Variants in GMDS observed in about 807,000 individuals in gnomAD.
GMDS encodes the protein GDP-mannose 4,6-dehydratase, also known as GDP-mannose 4,6 dehydratase.
Under a neutral mutation model 49.9 loss-of-function variants are expected in GMDS, and 20 were observed. The ratio of observed to expected loss-of-function variants is 0.40; its 90% CI spans 0.28 to 0.58. The LOEUF is 0.58. GMDS is among the 20% of genes least tolerant of loss of function. The probability of loss-of-function intolerance (pLI) is 0.42; values close to 1 mark genes in which losing one functional copy is unlikely to be tolerated. For synonymous variants in GMDS, 177 were observed against 178.6 expected, an observed-to-expected ratio of 0.99 and a Z score of 0.07; for missense variants, 362 against 481.4, an observed-to-expected ratio of 0.75 and a Z score of 2.32.
At chr6:2,060,194 C>A (rs929028512) in intron 4 of GMDS, among the ~76,000 whole-genome samples, 8 of 152,112 alleles carry the variant, frequency 5.3e-5, no homozygotes, top group Admixed American at 2.0e-4. Context: ...AGCAAGGCGA[C>A]CCTGGCGTAC....
At chr6:1,831,559 A>G (rs534565205) in intron 7 of GMDS, among the ~76,000 whole-genome samples, 1 of 152,342 alleles carries the variant, frequency 6.6e-6, no homozygotes, top group Non-Finnish European at 1.5e-5. Context: ...TAAAATAAAA[A>G]TAAACACTGT....
intron 7 of GMDS, among the ~76,000 whole-genome samples, chr6:1,914,135 T>TTG (rs1761232620): frequency 8.2e-6 from 1 of 122,482 alleles, no homozygotes; most frequent in Admixed American, 7.6e-5. Context: ...TTGTTTGTTT[T>TTG]TTTTTTTTTT....
At chr6:1,879,585 T>G (rs193115613) in intron 7 of GMDS, among the ~76,000 whole-genome samples, 1 of 138,230 alleles carries the variant, frequency 7.2e-6, no homozygotes, top group South Asian at 2.2e-4. Context: ...TTACCAAAGG[T>G]TTTTTTTTTT....
chr6:2,218,001 C>T (rs138612510), intron 1 of GMDS, among the ~76,000 whole-genome samples: 232 of 152,324 alleles, frequency 1.5e-3, no homozygotes, highest in African/African-American at 5.4e-3. Flanking sequence ...AAAACAACTG[C>T]TCTCGGGCTC....
chr6:1,858,214 T>C (rs755102731), intron 7 of GMDS, among the ~76,000 whole-genome samples: 27 of 152,178 alleles, frequency 1.8e-4, no homozygotes, highest in Middle Eastern at 6.8e-3. Flanking sequence ...AAAATAATAA[T>C]AAAACCTAGA....
intron 7 of GMDS, among the ~76,000 whole-genome samples, chr6:1,902,018 A>C (rs1205427393): frequency 2.6e-5 from 4 of 152,234 alleles, no homozygotes; most frequent in African/African-American, 9.6e-5. Context: ...TAAAATACAA[A>C]AGAACAACCT....
At chr6:1,830,836 T>C (rs1015211081) in intron 7 of GMDS, among the ~76,000 whole-genome samples, 2 of 152,332 alleles carry the variant, frequency 1.3e-5, no homozygotes, top group African/African-American at 4.8e-5. Flanking sequence ...ATAAGAAATA[T>C]ATATAACTCT....
At chr6:1,901,006 C>T (rs1264440996) in intron 7 of GMDS, among the ~76,000 whole-genome samples, 4 of 152,236 alleles carry the variant, frequency 2.6e-5, no homozygotes, top group African/African-American at 7.2e-5. Context: ...CTTCCTAATA[C>T]ATTTACTAGC....
At chr6:2,082,369 C>T (rs900909031) in intron 4 of GMDS, among the ~76,000 whole-genome samples, 2 of 152,100 alleles carry the variant, frequency 1.3e-5, no homozygotes, top group Admixed American at 6.5e-5. Flanking sequence ...CAGAAGGAGA[C>T]AAAAAGAGAA....
intron 7 of GMDS, among the ~76,000 whole-genome samples, chr6:1,828,499 T>G (rs964981538): frequency 2.6e-5 from 4 of 152,178 alleles, no homozygotes; most frequent in African/African-American, 7.2e-5. Context: ...ATATTCAAAT[T>G]GTCAAAAGCC....
intron 7 of GMDS, among the ~76,000 whole-genome samples, chr6:1,806,460 A>G (rs1445555253): frequency 6.6e-6 from 1 of 151,836 alleles, no homozygotes; most frequent in Non-Finnish European, 1.5e-5. Flanking sequence ...ACACACACAC[A>G]CACACACACA....
At position 1,767,549 on chromosome 6, in the gene GMDS, G is replaced by A. The variant is rs148977591; in HGVS notation, c.772-24963C>T. 3.5e-3 allele frequency among the ~76,000 whole-genome samples: 533 copies of A among 152,294 alleles called. 2 individuals carry two copies. Among genetic ancestry groups the A allele is most frequent in the African/African-American group, 0.012 (496 of 41,560 alleles). The stretch of plus-strand genomic sequence containing the variant: ...TCTTCTCTGAGCTGCCACCACTCCC[G>A]AGTCTCCCAGACTGACCTCTGAGTC... On this transcript the variant is annotated intron_variant, in intron 7 of 10. Transcript: ENST00000380815.
chr6:2,240,615 AAAAAAG>A, intron 1 of GMDS, among the ~76,000 whole-genome samples: 1 of 151,802 alleles, frequency 6.6e-6, no homozygotes, highest in Non-Finnish European at 1.5e-5. Flanking sequence ...AAAAAAAAAA[AAAAAAG>A]AAAAGAAAAA....
At chr6:1,811,248 T>C (rs1281843020) in intron 7 of GMDS, among the ~76,000 whole-genome samples, 1 of 152,212 alleles carries the variant, frequency 6.6e-6, no homozygotes. Flanking sequence ...AATATGTCCT[T>C]TTCCATAAAA....
At chr6:2,079,171 G>C (rs1227269442) in intron 4 of GMDS, among the ~76,000 whole-genome samples, 3 of 151,416 alleles carry the variant, frequency 2.0e-5, no homozygotes, top group Non-Finnish European at 3.0e-5. Context: ...TGCCATTATA[G>C]GTAAAGTGTG....
intron 4 of GMDS, among the ~76,000 whole-genome samples, chr6:2,086,494 A>C (rs535576286): frequency 6.6e-6 from 1 of 152,352 alleles, no homozygotes; most frequent in East Asian, 1.9e-4. Flanking sequence ...TTAAATCAGA[A>C]GGGAACAGCC....
rs1410125179 is a variant in GMDS, at chr6:2,151,379, A to G, written c.103-26648T>C. 2.0e-5 allele frequency among the ~76,000 whole-genome samples: 3 copies of G among 152,252 alleles called. No homozygotes were observed. The East Asian group carries it at 5.8e-4, about 29-fold the overall frequency. ...TCATTGAAGATCCCCAAAAGCAAAT[A>G]TAACTTGTAAAAATAATTATCTCAT... On this transcript the variant is annotated intron_variant, in intron 1 of 10. Coordinates refer to ENST00000380815, the MANE Select transcript of GMDS (RefSeq NM_001500.4).
intron 4 of GMDS, among the ~76,000 whole-genome samples, chr6:2,100,661 A>G (rs181577166): frequency 3.0e-4 from 45 of 152,186 alleles, no homozygotes; most frequent in African/African-American, 8.9e-4. Flanking sequence ...AACAAAATCT[A>G]TATCACTGAC....
intron 4 of GMDS, among the ~76,000 whole-genome samples, chr6:1,998,873 C>CTTT (rs202033146): frequency 0.28 from 32,059 of 114,574 alleles, 3,532 homozygotes; most frequent in Non-Finnish European, 0.3. Context: ...TAAAGGAAAA[C>CTTT]TGTTTTTTTT....
Sources: allele counts gnomAD v4.1 joint callset (sites outside exome capture counted in the v4.1 genomes callset), GRCh38; gene constraint gnomAD v4.1.1; transcripts MANE v1.5; gene names NCBI Gene and HGNC (gene_info 2026-07-23, HGNC 2026-07-21).